Variants in ARSG observed in about 807,000 individuals in gnomAD.
The protein encoded by ARSG is arylsulfatase G, also known as ASG.
In ARSG, 37 loss-of-function variants were observed where a neutral mutation model predicts 50.5. The ratio of observed to expected loss-of-function variants is 0.73; its 90% CI spans 0.56 to 0.96. The LOEUF is 0.96. Ranked by LOEUF, ARSG falls within the 50% of genes least tolerant of loss-of-function variation. The pLI is 0.00. For missense variants in ARSG, 629 were observed against 675.3 expected (o/e 0.93, Z 0.76); for synonymous variants, 225 against 254.6 (o/e 0.88, Z 1.11).
intron 1 of ARSG, among the ~76,000 whole-genome samples, chr17:68,279,954 G>A (rs1486459087): frequency 6.6e-6 from 1 of 152,108 alleles, no homozygotes; most frequent in Non-Finnish European, 1.5e-5. Context: ...GGCCAAAGCG[G>A]GTGGATCACC....
At chr17:68,434,747 C>T in the ARSG span, 1 of 943,764 alleles carries the variant, frequency 1.1e-6, no homozygotes, top group South Asian at 1.6e-5. Flanking sequence ...AAGAACACCA[C>T]GTTGAGCATA....
rs1283629309 is a variant in ARSG at position 68,381,980 on chromosome 17, A to G, written c.983-3084A>G. Among the ~76,000 whole-genome samples, 4 of 125,182 alleles carry G rather than the reference A, an allele frequency of 3.2e-5. No individual in the cohort carries two copies. The highest frequency in any genetic ancestry group is 5.7e-5 in the African/African-American group (2 of 34,832). 82.1% of individuals were successfully genotyped at this position (125,182 alleles called of 152,430 possible). ...TCTTTCCTTTTTTTTTTTTTGACAG[A>G]GTCTCTGTCGTGCAGGCTGGAGTGA... On this transcript the variant is annotated intron_variant, in intron 8 of 11. Coordinates refer to ENST00000621439, the MANE Select transcript of ARSG (RefSeq NM_001267727.2). This position sits in a 1 kb window ranked among gnomAD's most constrained non-coding sequence, Gnocchi z 4.1.
the ARSG span, among the ~76,000 whole-genome samples, chr17:68,446,509 C>A: frequency 6.6e-6 from 1 of 152,088 alleles, no homozygotes; most frequent in African/African-American, 2.4e-5. Context: ...AAGGCTCTGT[C>A]GTAGGTCTGA....
chr17:68,380,184 T>TTCCTTCCTTCCTTCTACCTTCCTTCC (rs2080362823), intron 8 of ARSG, among the ~76,000 whole-genome samples: 1 of 151,924 alleles, frequency 6.6e-6, no homozygotes, highest in Non-Finnish European at 1.5e-5. Flanking sequence ...TTCTTTTTCC[T>TTCCTTCCTTCCTTCTACCTTCCTTCC]TCCTTCCTTC....
intron 2 of ARSG, among the ~76,000 whole-genome samples, chr17:68,339,867 T>C (rs938852366): frequency 3.3e-5 from 5 of 152,346 alleles, no homozygotes; most frequent in African/African-American, 1.2e-4. Context: ...TCGCCAGCTC[T>C]GTCCAATTTA....
At chr17:68,438,166 G>A in the ARSG span, among the ~76,000 whole-genome samples, 1 of 152,226 alleles carries the variant, frequency 6.6e-6, no homozygotes, top group African/African-American at 2.4e-5. Context: ...TCCACAGCAG[G>A]GCTGTCCTCT....
chr17:68,294,489 T>C (rs1555757433), intron 1 of ARSG, among the ~76,000 whole-genome samples: 1 of 152,166 alleles, frequency 6.6e-6, no homozygotes, highest in Non-Finnish European at 1.5e-5. Flanking sequence ...GAAAGGAATC[T>C]GGTCTGGACC....
At chr17:68,340,861 T>A (rs1251201096) in intron 2 of ARSG, among the ~76,000 whole-genome samples, 1 of 152,208 alleles carries the variant, frequency 6.6e-6, no homozygotes, top group Non-Finnish European at 1.5e-5. Flanking sequence ...AGCTGGGAGA[T>A]CTGTATTTTT....
intron 1 of ARSG, chr17:68,266,886 G>A (rs2075176640): frequency 6.6e-6 from 1 of 152,124 alleles, no homozygotes; most frequent in Non-Finnish European, 1.5e-5. Flanking sequence ...TGTGTCTCTA[G>A]TAGAGTTAAA....
the ARSG span, chr17:68,433,602 G>T: frequency 6.3e-7 from 1 of 1,587,318 alleles, no homozygotes; most frequent in Non-Finnish European, 8.6e-7. Flanking sequence ...ACATGGGTCA[G>T]TGAGCAAGAG....
the ARSG span, among the ~76,000 whole-genome samples, chr17:68,443,904 T>C: frequency 1.3e-5 from 2 of 152,244 alleles, no homozygotes; most frequent in Non-Finnish European, 2.9e-5. Context: ...ATTCATATAA[T>C]GTCATCTGCT....
At chr17:68,320,003 G>A (rs191383074) in intron 2 of ARSG, among the ~76,000 whole-genome samples, 34 of 152,330 alleles carry the variant, frequency 2.2e-4, no homozygotes, top group African/African-American at 8.2e-4. Context: ...AGATAGTGCC[G>A]TGGCTGGGTG....
intron 1 of ARSG, chr17:68,274,071 C>A: frequency 1.2e-6 from 2 of 1,611,548 alleles, no homozygotes; most frequent in Non-Finnish European, 1.7e-6. Flanking sequence ...GCGAGGGGAG[C>A]TGCCGGGAAA....
chr17:68,436,257 A>T, the ARSG span: 1 of 799,342 alleles, frequency 1.3e-6, no homozygotes, highest in Non-Finnish European at 2.1e-6. Flanking sequence ...CTCTTGAACA[A>T]CTCCCCAGTA....
intron 1 of ARSG, chr17:68,274,343 G>A: frequency 1.1e-5 from 3 of 263,264 alleles, no homozygotes; most frequent in Admixed American, 4.5e-5. Flanking sequence ...GTGTGCACCT[G>A]TAGTCCCAGC....
At chr17:68,383,584 C>G (rs2080545705) in intron 8 of ARSG, among the ~76,000 whole-genome samples, 1 of 152,270 alleles carries the variant, frequency 6.6e-6, no homozygotes, top group Admixed American at 6.5e-5. Context: ...GAAGTATCTA[C>G]AAAGCCCTGG....
chr17:68,426,219 C>A, downstream of ARSG: 2 of 1,172,454 alleles, frequency 1.7e-6, no homozygotes, highest in Non-Finnish European at 2.4e-6. Flanking sequence ...TGGGGATCTG[C>A]TTTTATGCCA....
rs2079624215 is a variant in ARSG, at chr17:68,367,944, C to T, written c.705-604C>T. ...AATTAGACGGGCATGGGGGTGGGCA[C>T]CTGTAATTCCAGCTACTCAGGAGGC... On this transcript the variant is annotated intron_variant, in intron 6 of 11. Transcript: ENST00000621439. This position sits in a 1 kb window ranked among gnomAD's most constrained non-coding sequence, Gnocchi z 4.5. Among the ~76,000 whole-genome samples the T allele has an allele frequency of 1.3e-5, 2 of 152,118 alleles. No homozygotes were observed. The highest frequency in any genetic ancestry group is 4.1e-4 in the South Asian group (2 of 4,822).
At chr17:68,351,757 A>G (rs975579008) in intron 5 of ARSG, 71 bp downstream of exon 5, 7 of 1,003,142 alleles carry the variant, frequency 7.0e-6, no homozygotes, top group Middle Eastern at 4.5e-4. Context: ...GTCCATCAGC[A>G]ATAAATTAAA....
Sources: allele counts gnomAD v4.1 joint callset (sites outside exome capture counted in the v4.1 genomes callset), GRCh38; gene constraint gnomAD v4.1.1; non-coding constraint Gnocchi (gnomAD v3.1); transcripts MANE v1.5; gene names NCBI Gene and HGNC (gene_info 2026-07-23, HGNC 2026-07-21).